The following TMEM87A variants were observed in gnomAD, a reference collection of about 807,000 sequenced individuals.
The protein encoded by TMEM87A is transmembrane protein 87A.
In TMEM87A, 50 loss-of-function variants were observed where a neutral mutation model predicts 90.0. The observed-to-expected ratio is 0.56, with a 90% confidence interval of 0.44 to 0.70. TMEM87A has a LOEUF of 0.70. TMEM87A is among the 30% of genes least tolerant of loss of function. TMEM87A has a pLI of 0.00. For missense variants in TMEM87A, 577 were observed against 660.5 expected, an observed-to-expected ratio of 0.87 and a Z score of 1.39; for synonymous variants, 226 against 226.7, an observed-to-expected ratio of 1.00 and a Z score of 0.03.
At chr15:42,252,968 T>C (rs966885627) in intron 6 of TMEM87A, among the ~76,000 whole-genome samples, 1 of 152,252 alleles carries the variant, frequency 6.6e-6, no homozygotes, top group Non-Finnish European at 1.5e-5. Flanking sequence ...GTTATGTCTC[T>C]TTTGCTTAGT....
At chr15:42,244,743 C>T (rs2050940022) in intron 6 of TMEM87A, among the ~76,000 whole-genome samples, 1 of 144,670 alleles carries the variant, frequency 6.9e-6, no homozygotes, top group Non-Finnish European at 1.5e-5. Context: ...TTAACAGTCT[C>T]CAAGTCCTTG....
chr15:42,218,600 C>G (rs923636897), intron 17 of TMEM87A, among the ~76,000 whole-genome samples: 1 of 152,168 alleles, frequency 6.6e-6, no homozygotes. Flanking sequence ...GTAACCAGCA[C>G]TCAACCCTCT....
In TMEM87A at chr15:42,233,258, G is replaced by A. The variant is rs769405746; in HGVS notation, c.1017C>T (p.Leu339=). 1.2e-6 allele frequency: 2 copies of A among 1,614,030 alleles called. No homozygotes were observed. Among genetic ancestry groups the A allele is most frequent in the Non-Finnish European group, 1.7e-6 (2 of 1,179,988 alleles). Residue 339 remains leucine, a synonymous_variant, in exon 11 of 20, where the codon CTC becomes CTT. Transcript: ENST00000389834. The part of the protein sequence containing the change: ...TLHKVVVAGA[L]YLLFSGMEGV... Reference sequence around the variant, plus strand: ...CTTCCATGCCAGAGAACAAAAGATAGAGGGCTCCTGCTACTACAACCTTAT... The same window carrying A: ...CTTCCATGCCAGAGAACAAAAGATAAAGGGCTCCTGCTACTACAACCTTAT...
intron 6 of TMEM87A, among the ~76,000 whole-genome samples, chr15:42,246,952 C>T (rs1289675460): frequency 6.6e-6 from 1 of 152,162 alleles, no homozygotes; most frequent in Non-Finnish European, 1.5e-5. Context: ...CTCTCCAGCA[C>T]CTGTTGTTTC....
In TMEM87A at chr15:42,262,821, T is replaced by C. The variant is rs115455104; in HGVS notation, c.405+1269A>G. Among the ~76,000 whole-genome samples, 966 of 152,370 alleles carry C rather than the reference T, an allele frequency of 6.3e-3. 7 individuals are homozygous for C. The highest frequency in any genetic ancestry group is 0.023 in the African/African-American group (940 of 41,582). On this transcript the variant is annotated intron_variant, in intron 4 of 19. Transcript: ENST00000389834. Reference sequence around the variant, plus strand: ...AATATTCCAAAATAATTTTTAAATATAGTAAGGACAAGTATAGATGATAAT... The same window carrying C: ...AATATTCCAAAATAATTTTTAAATACAGTAAGGACAAGTATAGATGATAAT...
At chr15:42,231,353 G>A in intron 11 of TMEM87A, 93 bp from the exon 12 acceptor site, 2 of 1,046,420 alleles carry the variant, frequency 1.9e-6, no homozygotes, top group South Asian at 1.8e-5. Context: ...CATAATCACT[G>A]GAAAGTTTTT....
chr15:42,249,676 G>A (rs2051047761), intron 6 of TMEM87A, among the ~76,000 whole-genome samples: 1 of 152,180 alleles, frequency 6.6e-6, no homozygotes, highest in South Asian at 2.1e-4. Flanking sequence ...ATTTGTTGAT[G>A]AGTACTTTAC....
chr15:42,232,509 T>C (rs979741238), intron 11 of TMEM87A, among the ~76,000 whole-genome samples: 1 of 152,190 alleles, frequency 6.6e-6, no homozygotes, highest in Non-Finnish European at 1.5e-5. Flanking sequence ...AGTCTTGCTC[T>C]GTCGCCCAGG....
chr15:42,220,946 G>A (rs1163830620), intron 15 of TMEM87A, among the ~76,000 whole-genome samples: 7 of 151,900 alleles, frequency 4.6e-5, no homozygotes, highest in Admixed American at 2.6e-4. Flanking sequence ...CGCCCGCCAC[G>A]ATGCCTGGCC....
intron 6 of TMEM87A, among the ~76,000 whole-genome samples, chr15:42,248,707 G>C (rs555394738): frequency 6.6e-6 from 1 of 151,994 alleles, no homozygotes; most frequent in African/African-American, 2.4e-5. Context: ...GAGGATTTTC[G>C]CATCGATGTT....
chr15:42,268,308 T>C (rs779046740), intron 2 of TMEM87A, among the ~76,000 whole-genome samples: 6 of 152,218 alleles, frequency 3.9e-5, no homozygotes, highest in Non-Finnish European at 8.8e-5. Context: ...CTTCTGGATC[T>C]CTATTGAGAA....
chr15:42,218,142 C>T (rs1262613126), intron 18 of TMEM87A, 181 bp downstream of exon 18: 29 of 699,640 alleles, frequency 4.1e-5, no homozygotes, highest in Non-Finnish European at 6.6e-5. Context: ...CTAAATCTTT[C>T]TAAGCAGAAA....
intron 11 of TMEM87A, 46 bp from the exon 12 acceptor site, chr15:42,231,306 G>C (rs1205946752): frequency 1.3e-6 from 2 of 1,485,176 alleles, no homozygotes; most frequent in African/African-American, 1.5e-5. Context: ...TGTCTAGAGA[G>C]GCACAGAGAA....
chr15:42,237,286 C>A, intron 9 of TMEM87A, 146 bp downstream of exon 9: 1 of 737,550 alleles, frequency 1.4e-6, no homozygotes, highest in Non-Finnish European at 2.0e-6. Context: ...AAACAAAAGT[C>A]AGAGTCATAG....
At chr15:42,253,420 C>A (rs545772134) in intron 6 of TMEM87A, among the ~76,000 whole-genome samples, 1 of 152,284 alleles carries the variant, frequency 6.6e-6, no homozygotes, top group East Asian at 1.9e-4. Flanking sequence ...CTTCCCTATG[C>A]ACATAATACT....
At chr15:42,261,091 C>A in intron 5 of TMEM87A, 89 bp from the exon 6 acceptor site, 1 of 1,540,208 alleles carries the variant, frequency 6.5e-7, no homozygotes, top group East Asian at 2.3e-5. Flanking sequence ...GAAGCCTGCT[C>A]CCCAGGTGCA....
At chr15:42,239,969 G>A (rs917980345) in intron 7 of TMEM87A, among the ~76,000 whole-genome samples, 2 of 152,100 alleles carry the variant, frequency 1.3e-5, no homozygotes, top group Non-Finnish European at 2.9e-5. Context: ...TCTGAAGTGG[G>A]AAGGCTCTTT....
intron 6 of TMEM87A, among the ~76,000 whole-genome samples, chr15:42,256,187 C>A (rs577672715): frequency 2.6e-5 from 4 of 152,166 alleles, no homozygotes; most frequent in Non-Finnish European, 2.9e-5. Context: ...GTCACCCAGG[C>A]TGGAGTGCAG....
chr15:42,237,694 C>CA, intron 8 of TMEM87A, 79 bp from the exon 9 acceptor site: 1 of 789,056 alleles, frequency 1.3e-6, no homozygotes, highest in Non-Finnish European at 1.7e-6. Flanking sequence ...TCAATATATA[C>CA]TTTTTTTTTT....
Sources: allele counts gnomAD v4.1 joint callset (sites outside exome capture counted in the v4.1 genomes callset), GRCh38; gene constraint gnomAD v4.1.1; transcripts MANE v1.5; gene names NCBI Gene and HGNC (gene_info 2026-07-23, HGNC 2026-07-21).